Variants in ERGIC1 observed in about 807,000 individuals in gnomAD.
The protein encoded by ERGIC1 is endoplasmic reticulum-golgi intermediate compartment 1.
In ERGIC1, 19 loss-of-function variants were observed where a neutral mutation model predicts 38.3. The ratio of observed to expected loss-of-function variants is 0.50; its 90% CI spans 0.35 to 0.73. ERGIC1 has a LOEUF of 0.73. ERGIC1 is among the 30% of genes least tolerant of loss of function. The pLI is 0.01. For missense variants in ERGIC1, 294 were observed against 389.2 expected (o/e 0.76, Z 2.06); for synonymous variants, 124 against 157.6 (o/e 0.79, Z 1.60).
At chr5:172,943,400 C>T (rs943044658) in intron 9 of ERGIC1, among the ~76,000 whole-genome samples, 1 of 152,010 alleles carries the variant, frequency 6.6e-6, no homozygotes, top group African/African-American at 2.4e-5. Context: ...ACTACACCCC[C>T]CACCTCTGCC....
At chr5:172,944,343 G>A (rs879359627) in intron 9 of ERGIC1, among the ~76,000 whole-genome samples, 2 of 152,038 alleles carry the variant, frequency 1.3e-5, no homozygotes, top group Non-Finnish European at 2.9e-5. Flanking sequence ...AGTCCTAGGG[G>A]GTGAGGATTA....
chr5:172,914,838 G>A lies in ERGIC1; in HGVS notation c.375G>A (p.Lys125=). The A allele has an allele frequency of 4.3e-6, 7 of 1,614,128 alleles. No individual in the cohort carries two copies. Among genetic ancestry groups the A allele is most frequent in the Non-Finnish European group, 5.9e-6 (7 of 1,180,022 alleles). Residue 125 remains lysine, a splice_region_variant and synonymous_variant, in exon 5 of 10, where the codon AAG becomes AAA. Coordinates refer to ENST00000393784, the MANE Select transcript of ERGIC1 (RefSeq NM_001031711.3). ...TCGAGGGGCAGTTCAGCATCAACAA[G>A]GTATGGAAGCCCTGCCTCAGCCCTT... The part of the protein sequence containing the change: ...CRFEGQFSIN[K]VPGNFHVSTH...
intron 1 of ERGIC1, among the ~76,000 whole-genome samples, chr5:172,859,747 CAG>C (rs1761650226): frequency 6.6e-6 from 1 of 152,216 alleles, no homozygotes; most frequent in Non-Finnish European, 1.5e-5. Flanking sequence ...TGCCCTTGGA[CAG>C]GGGACAGCCT....
chr5:172,935,035 G>A (rs1321784225), intron 8 of ERGIC1, 153 bp from the exon 9 acceptor site: 4 of 1,088,566 alleles, frequency 3.7e-6, no homozygotes, highest in African/African-American at 1.5e-5. Flanking sequence ...CCAGGGGAAG[G>A]GATGTGAGAG....
chr5:172,947,876 T>TTA, intron 9 of ERGIC1, among the ~76,000 whole-genome samples: 1 of 145,728 alleles, frequency 6.9e-6, no homozygotes, highest in Non-Finnish European at 1.5e-5. Context: ...CAGATGTGTT[T>TTA]TGTGTGTGTG....
chr5:172,849,463 CA>C, intron 1 of ERGIC1, among the ~76,000 whole-genome samples: 1 of 152,256 alleles, frequency 6.6e-6, no homozygotes, highest in East Asian at 1.9e-4. Flanking sequence ...CTGGGTACCA[CA>C]AATCTTTGTT....
chr5:172,866,854 C>T (rs1390089453), intron 1 of ERGIC1: 1 of 308,770 alleles, frequency 3.2e-6, no homozygotes, highest in Non-Finnish European at 6.4e-6. Flanking sequence ...GTTTTCTTGA[C>T]TCTAGCTCCA....
chr5:172,870,074 C>T (rs570595108), intron 1 of ERGIC1, among the ~76,000 whole-genome samples: 1 of 152,200 alleles, frequency 6.6e-6, no homozygotes, highest in Non-Finnish European at 1.5e-5. Flanking sequence ...TCTCTTCTTG[C>T]TGTATCTTTC....
In ERGIC1 at chr5:172,881,405, T is replaced by G. The variant is rs147627173; in HGVS notation, c.21-7294T>G. ...CCAGTGGGCCTTATGCTTGTGCAGA[T>G]CCATTCATGGACTCAGTTCCCCAAG... On this transcript the variant is annotated intron_variant, in intron 1 of 9. Transcript: ENST00000393784. 4.5e-3 allele frequency among the ~76,000 whole-genome samples: 690 copies of G among 152,226 alleles called. 3 individuals are homozygous for G. The highest frequency in any genetic ancestry group is 0.016 in the African/African-American group (659 of 41,518).
chr5:172,863,378 G>T (rs1162497653), intron 1 of ERGIC1, among the ~76,000 whole-genome samples: 3 of 152,166 alleles, frequency 2.0e-5, no homozygotes, highest in Non-Finnish European at 2.9e-5. Flanking sequence ...CTTCTTCTGT[G>T]GGTGATTTGT....
At chr5:172,867,093 A>G (rs778369824) in intron 1 of ERGIC1, 1 of 442,216 alleles carries the variant, frequency 2.3e-6, no homozygotes, top group South Asian at 1.6e-5. Flanking sequence ...GTCTTTGCAG[A>G]CCTTGGCTTG....
At chr5:172,854,242 C>T (rs936037297) in intron 1 of ERGIC1, among the ~76,000 whole-genome samples, 5 of 151,608 alleles carry the variant, frequency 3.3e-5, no homozygotes, top group Non-Finnish European at 4.4e-5. Context: ...ATTAGCTGGG[C>T]ATGGTGGCCT....
chr5:172,894,387 G>T (rs1762669768), intron 2 of ERGIC1, among the ~76,000 whole-genome samples: 1 of 151,382 alleles, frequency 6.6e-6, no homozygotes, highest in South Asian at 2.1e-4. Context: ...GTAGGGACGG[G>T]GTTTCACCGT....
At chr5:172,847,949 A>G (rs1393317690) in intron 1 of ERGIC1, among the ~76,000 whole-genome samples, 4 of 152,248 alleles carry the variant, frequency 2.6e-5, no homozygotes, top group Non-Finnish European at 5.9e-5. Flanking sequence ...GATACAAATA[A>G]TTGCAATGTG....
At chr5:172,918,491 G>A (rs1161500402) in intron 5 of ERGIC1, among the ~76,000 whole-genome samples, 2 of 152,218 alleles carry the variant, frequency 1.3e-5, no homozygotes, top group Non-Finnish European at 2.9e-5. Context: ...GGTGCAAGAA[G>A]GGGCAGTCGA....
chr5:172,867,013 T>C, intron 1 of ERGIC1: 1 of 369,548 alleles, frequency 2.7e-6, no homozygotes, highest in African/African-American at 2.1e-5. Context: ...ATGATGCAGA[T>C]GGAGATGATG....
chr5:172,874,969 G>C (rs1443939070), intron 1 of ERGIC1, among the ~76,000 whole-genome samples: 1 of 151,724 alleles, frequency 6.6e-6, no homozygotes, highest in South Asian at 2.1e-4. Flanking sequence ...GTAAGCACAG[G>C]CTCCCCCGAG....
chr5:172,927,142 C>G (rs370403261), intron 7 of ERGIC1: 6 of 155,912 alleles, frequency 3.8e-5, no homozygotes, highest in Non-Finnish European at 2.9e-5. Flanking sequence ...GCATACCTTT[C>G]GTGCACACCA....
chr5:172,855,623 G>C (rs1761528539), intron 1 of ERGIC1, among the ~76,000 whole-genome samples: 1 of 152,242 alleles, frequency 6.6e-6, no homozygotes, highest in Non-Finnish European at 1.5e-5. Flanking sequence ...GGTGCGAGGA[G>C]GTCCTCCCCA....
Sources: allele counts gnomAD v4.1 joint callset (sites outside exome capture counted in the v4.1 genomes callset), GRCh38; gene constraint gnomAD v4.1.1; transcripts MANE v1.5; gene names NCBI Gene and HGNC (gene_info 2026-07-23, HGNC 2026-07-21).